ZNF107: variants seen among roughly 807,000 people sequenced by gnomAD.
ZNF107 encodes C2H2 type zinc-finger protein.
In ZNF107, 19 loss-of-function variants were observed where a neutral mutation model predicts 12.3. The ratio of observed to expected loss-of-function variants is 1.55; its 90% CI spans 1.08 to 2.27. The LOEUF is 2.27. Ranked by LOEUF, ZNF107 falls within the 30% of genes most tolerant of loss-of-function variation. The pLI is 0.00. For synonymous variants in ZNF107, 317 were observed against 330.5 expected (o/e 0.96, Z 0.44); for missense variants, 958 against 979.9 (o/e 0.98, Z 0.30).
chr7:64,708,283 G>A lies in ZNF107; in HGVS notation c.2186G>A (p.Gly729Glu). 1.2e-6 allele frequency: 2 copies of A among 1,613,494 alleles called. No individual in the cohort carries two copies. Residue 729 changes from glycine to glutamate, a missense_variant, in exon 4 of 4, where the codon GGA becomes GAA. Gly to Glu is a moderately conservative substitution (Grantham distance 98). Coordinates refer to ENST00000620827, the MANE Select transcript of ZNF107 (RefSeq NM_001282359.2). ...AATAGACATAAGATAATTCATACTG[G>A]AGAGAAACCTTACAAATGTAAAGAA... ...TLNRHKIIHT[G>E]EKPYKCKECG...
rs535115141 is a variant in ZNF107, at chr7:64,672,714, C to T, written c.3+6429C>T. 9.2e-5 allele frequency among the ~76,000 whole-genome samples: 14 copies of T among 152,180 alleles called. 1 individual carries two copies. In the South Asian group the frequency reaches 1.9e-3, roughly 20 times the overall value. On this transcript the variant is annotated intron_variant, in intron 1 of 3. Coordinates refer to ENST00000620827, the MANE Select transcript of ZNF107 (RefSeq NM_001282359.2). Reference sequence around the variant, plus strand: ...CCGTCGATAGGTATTTGGTTGATTCCGTATCTTTGCTATGTGAATAGTGCT... The same window carrying T: ...CCGTCGATAGGTATTTGGTTGATTCTGTATCTTTGCTATGTGAATAGTGCT...
rs376650210 is a variant in ZNF107 at position 64,707,237 on chromosome 7, A to G, written c.1140A>G (p.Arg380=). ...KCEECDKAFN[R]SLKLTAHKKI... is the part of the protein sequence containing the mutation. Reference sequence around the variant, plus strand: ...AAGAATGTGACAAAGCTTTTAACCGATCCTTAAAACTTACTGCACATAAGA... The same window carrying G: ...AAGAATGTGACAAAGCTTTTAACCGGTCCTTAAAACTTACTGCACATAAGA... The change falls in exon 4 of 4, where the codon CGA becomes CGG. Residue 380 remains arginine, a synonymous_variant. Transcript: ENST00000620827. The G allele has an allele frequency of 2.0e-5, 32 of 1,612,926 alleles. No individual in the cohort carries two copies. Among genetic ancestry groups the G allele is most frequent in the Non-Finnish European group, 2.5e-5 (29 of 1,179,568 alleles).
rs1384499390 is a variant in ZNF107 at position 64,686,517 on chromosome 7, C to A, written c.4-4731C>A. 4.1e-6 allele frequency: 4 copies of A among 985,268 alleles called. No homozygotes were observed. The African/African-American group carries it at 7.0e-5, about 17-fold the overall frequency. 61.0% of individuals were successfully genotyped at this position (985,268 alleles called of 1,614,324 possible). A position where few individuals can be genotyped will look rare whatever the true frequency, so the allele number is the denominator to read the frequency against. ...CGCTCGAAGAATCCCTGAGAAACATCACCCCGTCCACTTCTTTTCTTATTA... is the reference window on the plus strand; with the variant it reads ...CGCTCGAAGAATCCCTGAGAAACATAACCCCGTCCACTTCTTTTCTTATTA... On this transcript the variant is annotated intron_variant, in intron 1 of 3. Transcript: ENST00000620827.
At chr7:64,680,373 C>T (rs1426695698) in intron 1 of ZNF107, among the ~76,000 whole-genome samples, 1 of 152,200 alleles carries the variant, frequency 6.6e-6, no homozygotes, top group Non-Finnish European at 1.5e-5. Context: ...ACACTCACTC[C>T]TGAAGAATGG....
intron 3 of ZNF107, among the ~76,000 whole-genome samples, chr7:64,704,958 C>T (rs1002014284): frequency 4.6e-5 from 7 of 152,180 alleles, no homozygotes; most frequent in Non-Finnish European, 8.8e-5. Flanking sequence ...GGATTACAGA[C>T]GTGAGCCATC....
intron 3 of ZNF107, among the ~76,000 whole-genome samples, chr7:64,699,495 G>T (rs1790397725): frequency 6.6e-6 from 1 of 152,056 alleles, no homozygotes; most frequent in South Asian, 2.1e-4. Flanking sequence ...GGCATGACTG[G>T]CTCACTGCAG....
chr7:64,707,350 T>C lies in ZNF107; in HGVS notation c.1253T>C (p.Ile418Thr), dbSNP rs760780357. The change falls in exon 4 of 4, where the codon ATT becomes ACT. Residue 418 changes from isoleucine (I) to threonine (T), a missense_variant. Ile to Thr is a moderately conservative substitution (Grantham distance 89, BLOSUM62 -1). Coordinates refer to ENST00000620827, the MANE Select transcript of ZNF107 (RefSeq NM_001282359.2). ...QFSTLTRHKI[I>T]HTGEKPYKCK... ...TCAACTCTTACTAGACATAAGATAA[T>C]TCATACTGGAGAGAAACCCTACAAA... 3 of 1,613,338 alleles carry C rather than the reference T, an allele frequency of 1.9e-6. No homozygotes were observed. In the Admixed American group the frequency reaches 5.0e-5, roughly 27 times the overall value.
At chr7:64,677,782 G>A (rs72503389) in intron 1 of ZNF107, among the ~76,000 whole-genome samples, 12,828 of 148,460 alleles carry the variant, frequency 0.086, 879 homozygotes, top group East Asian at 0.27. Context: ...AACCCGCAAG[G>A]CGGGGCTTGC....
chr7:64,690,341 G>T, intron 1 of ZNF107: 1 of 984,288 alleles, frequency 1.0e-6, no homozygotes, highest in Non-Finnish European at 1.2e-6. Context: ...GTAATATATA[G>T]GGTTTACTCC....
intron 1 of ZNF107, among the ~76,000 whole-genome samples, chr7:64,667,834 C>G (rs1419555152): frequency 2.6e-5 from 4 of 151,726 alleles, no homozygotes; most frequent in African/African-American, 9.7e-5. Flanking sequence ...TTCCATTTCT[C>G]AGAGGTACAT....
chr7:64,704,015 A>T (rs1584489874), intron 3 of ZNF107, among the ~76,000 whole-genome samples: 1 of 141,410 alleles, frequency 7.1e-6, no homozygotes, highest in South Asian at 2.1e-4. Flanking sequence ...ATAATCTAGT[A>T]AAAAAAAAAT....
intron 1 of ZNF107, among the ~76,000 whole-genome samples, chr7:64,682,458 T>C (rs1020281710): frequency 3.9e-5 from 6 of 151,928 alleles, no homozygotes; most frequent in Non-Finnish European, 8.8e-5. Context: ...CCCCAAACCT[T>C]CCCTCATTCA....
chr7:64,708,388 A>T lies in ZNF107; in HGVS notation c.2291A>T (p.Glu764Val). 1 of 1,613,116 alleles carries T rather than the reference A, an allele frequency of 6.2e-7. No individual in the cohort carries two copies. Among genetic ancestry groups the T allele is most frequent in the South Asian group, 1.1e-5 (1 of 91,064 alleles). The change falls in exon 4 of 4, where the codon GAA becomes GTA. Residue 764 changes from glutamate (E) to valine (V), a missense_variant. Coordinates refer to ENST00000620827, the MANE Select transcript of ZNF107 (RefSeq NM_001282359.2). Reference sequence around the variant, plus strand: ...ACTGGAGAGAAACCCTATAAATGTGAAGAATGTGGCAAAGCTTTTAACCAA... The same window carrying T: ...ACTGGAGAGAAACCCTATAAATGTGTAGAATGTGGCAAAGCTTTTAACCAA... ...IHTGEKPYKC[E>V]ECGKAFNQSS...
chr7:64,678,285 TA>T (rs1554346484), intron 1 of ZNF107, among the ~76,000 whole-genome samples: 1 of 152,208 alleles, frequency 6.6e-6, no homozygotes, highest in Non-Finnish European at 1.5e-5. Context: ...TAATGAGGAC[TA>T]AAAAATGCTG....
chr7:64,692,007 T>C, intron 3 of ZNF107, 47 bp downstream of exon 3: 2 of 1,262,784 alleles, frequency 1.6e-6, no homozygotes, highest in Non-Finnish European at 2.1e-6. Context: ...AGATGAAAGG[T>C]CAAAGGTCAA....
At chr7:64,687,260 A>T (rs1429992058) in intron 1 of ZNF107, 2 of 985,868 alleles carry the variant, frequency 2.0e-6, no homozygotes, top group Non-Finnish European at 2.4e-6. Context: ...CTCTATATGG[A>T]CTCATGCTGG....
intron 1 of ZNF107, among the ~76,000 whole-genome samples, chr7:64,680,507 C>T (rs750495743): frequency 5.3e-5 from 8 of 152,032 alleles, no homozygotes; most frequent in Non-Finnish European, 7.4e-5. Context: ...CTGGTATGGC[C>T]GGGCGAGATT....
intron 1 of ZNF107, chr7:64,690,371 AT>A (rs1181457851): frequency 1.1e-5 from 11 of 985,258 alleles, no homozygotes; most frequent in Non-Finnish European, 1.2e-5. Flanking sequence ...TTCTGTTCAG[AT>A]TCACCCTTTT....
chr7:64,708,461 C>T lies in ZNF107; in HGVS notation c.2364C>T (p.Pro788=), dbSNP rs762321190. Residue 788 remains proline (P), a synonymous_variant, in exon 4 of 4, where the codon CCC becomes CCT. Transcript: ENST00000620827. ...THKKIHTSEK[P]YKCEECGKSF... ...AGAAAATTCATACTTCAGAGAAACC[C>T]TACAAATGTGAAGAATGTGGCAAAT... 9.3e-6 allele frequency: 15 copies of T among 1,605,616 alleles called. No individual in the cohort carries two copies. The highest frequency in any genetic ancestry group is 1.7e-5 in the Admixed American group (1 of 59,700).
Sources: gnomAD v4.1 joint callset for allele counts (sites outside exome capture counted in the v4.1 genomes callset) on GRCh38, gnomAD v4.1.1 for gene constraint, MANE v1.5 for transcripts, NCBI Gene and HGNC (gene_info 2026-07-23, HGNC 2026-07-21) for gene names.